The following GINS3 variants were observed in gnomAD, a reference collection of about 807,000 sequenced individuals.
GINS3 encodes the protein GINS complex subunit 3.
A neutral mutation model predicts 20.0 loss-of-function variants in GINS3; 18 were observed. The observed-to-expected ratio is 0.90, with a 90% CI of 0.62 to 1.33. The LOEUF is 1.33. GINS3 is among the 40% of genes most tolerant of loss of function. The probability of loss-of-function intolerance (pLI) is 0.00; values close to 1 mark genes in which losing one functional copy is unlikely to be tolerated. For synonymous variants in GINS3, 109 were observed against 107.0 expected (o/e 1.02, Z -0.12); for missense variants, 254 against 273.6 (o/e 0.93, Z 0.51).
At chr16:58,393,952 G>A (rs1402702285) in intron 1 of GINS3, among the ~76,000 whole-genome samples, 1 of 151,686 alleles carries the variant, frequency 6.6e-6, no homozygotes, top group Non-Finnish European at 1.5e-5. Flanking sequence ...TTTTTTAGTG[G>A]TGTCTTCAAG....
chr16:58,397,093 G>A (rs1285596934), intron 1 of GINS3, among the ~76,000 whole-genome samples: 1 of 151,962 alleles, frequency 6.6e-6, no homozygotes, highest in Non-Finnish European at 1.5e-5. Flanking sequence ...CCTGGATGGG[G>A]TGGCTGCCGG....
chr16:58,397,061 G>T (rs984115959), intron 1 of GINS3, among the ~76,000 whole-genome samples: 2 of 149,570 alleles, frequency 1.3e-5, no homozygotes, highest in South Asian at 2.1e-4. Context: ...TGGCCGGGCG[G>T]GGGGCTGACC....
At chr16:58,398,861 A>G (rs1965916935) in intron 1 of GINS3, among the ~76,000 whole-genome samples, 2 of 152,232 alleles carry the variant, frequency 1.3e-5, no homozygotes, top group Non-Finnish European at 2.9e-5. Flanking sequence ...GCAAAGCATA[A>G]GACCAATTTA....
At chr16:58,397,221 G>A (rs1220841556) in intron 1 of GINS3, among the ~76,000 whole-genome samples, 1 of 151,518 alleles carries the variant, frequency 6.6e-6, no homozygotes, top group Non-Finnish European at 1.5e-5. Context: ...GGGCGGCCGG[G>A]CAGAGATGCT....
rs201920793 is a variant in GINS3, at chr16:58,404,752, C to T, written c.*23C>T. 1 of 1,547,526 alleles carries T rather than the reference C, an allele frequency of 6.5e-7. No individual in the cohort carries two copies. The highest frequency in any genetic ancestry group is 8.9e-7 in the Non-Finnish European group (1 of 1,122,870). Reference sequence around the variant, plus strand: ...TGAAAGCCGGAAGAACACAGAATGGCTCCTCACAGACGTATCCCTCCGTGT... The same window carrying T: ...TGAAAGCCGGAAGAACACAGAATGGTTCCTCACAGACGTATCCCTCCGTGT... On this transcript the variant is annotated 3_prime_UTR_variant, in exon 3 of 3. Transcript: ENST00000318129.
chr16:58,404,447 CTT>C, intron 2 of GINS3, 50 bp from the exon 3 acceptor site: 2 of 1,161,682 alleles, frequency 1.7e-6, no homozygotes, highest in East Asian at 2.3e-5. Context: ...ATGGATATGA[CTT>C]TGTGGGGTGT....
At chr16:58,403,835 A>C (rs563526382) in intron 2 of GINS3, 3 of 161,612 alleles carry the variant, frequency 1.9e-5, no homozygotes, top group African/African-American at 7.2e-5. Flanking sequence ...TGGAAATACA[A>C]GAGTTATTGG....
At chr16:58,399,696 C>G (rs2151493945) in intron 1 of GINS3, among the ~76,000 whole-genome samples, 1 of 152,090 alleles carries the variant, frequency 6.6e-6, no homozygotes, top group East Asian at 1.9e-4. Flanking sequence ...TCTATCCTTT[C>G]TTGACTTCCT....
intron 1 of GINS3, among the ~76,000 whole-genome samples, chr16:58,396,207 G>T (rs1965854504): frequency 7.7e-6 from 1 of 129,612 alleles, no homozygotes; most frequent in South Asian, 2.6e-4. Flanking sequence ...ACCAGTAGGG[G>T]CGGCCGGGCA....
Position 58,404,735 on chromosome 16 carries a change from GGAA to G in GINS3, c.*10_*12del. 6.2e-7 allele frequency: 1 copy of G among 1,603,340 alleles called. No individual in the cohort carries two copies. The highest frequency in any genetic ancestry group is 8.5e-7 in the Non-Finnish European group (1 of 1,171,298). On this transcript the variant is annotated 3_prime_UTR_variant, in exon 3 of 3. Transcript: ENST00000318129. The stretch of plus-strand genomic sequence containing the variant: ...TCACTGATATGGAAGACTGAAAGCC[GGAA>G]GAACACAGAATGGCTCCTCACAGAC...
intron 1 of GINS3, among the ~76,000 whole-genome samples, chr16:58,395,914 A>G (rs1032150608): frequency 1.3e-5 from 2 of 150,934 alleles, no homozygotes; most frequent in African/African-American, 4.9e-5. Context: ...GCGGCCGGGC[A>G]GAGGTGCCCC....
Position 58,404,637 on chromosome 16 carries a change from C to G in GINS3, c.559C>G (p.Gln187Glu), listed in dbSNP as rs752830456. ...AGGGCAGAAAGGACTGAATGACTTTCAGTGTTGGGAGAAGGGGCAGGCTTC... is the reference window on the plus strand; with the variant it reads ...AGGGCAGAAAGGACTGAATGACTTTGAGTGTTGGGAGAAGGGGCAGGCTTC... ...QTGQKGLNDF[Q>E]CWEKGQASQI... Residue 187 changes from glutamine to glutamate, a missense_variant, in exon 3 of 3, where the codon CAG becomes GAG. Transcript: ENST00000318129. 1 of 1,614,118 alleles carries G rather than the reference C, an allele frequency of 6.2e-7. No individual in the cohort carries two copies. The highest frequency in any genetic ancestry group is 2.2e-5 in the East Asian group (1 of 44,882).
intron 1 of GINS3, among the ~76,000 whole-genome samples, chr16:58,401,035 G>A (rs1047652315): frequency 2.0e-5 from 3 of 151,830 alleles, no homozygotes; most frequent in South Asian, 2.1e-4. Flanking sequence ...GGCCCGTCTC[G>A]AACCCCTGAG....
chr16:58,404,422 T>C (rs1025400817), intron 2 of GINS3, 77 bp from the exon 3 acceptor site: 11 of 920,584 alleles, frequency 1.2e-5, no homozygotes, highest in Middle Eastern at 2.2e-4. Flanking sequence ...GCCATTTAAA[T>C]GTTCTGAGAT....
intron 1 of GINS3, among the ~76,000 whole-genome samples, chr16:58,396,466 C>T (rs1395238990): frequency 2.4e-5 from 2 of 82,640 alleles, no homozygotes; most frequent in African/African-American, 5.5e-5. Context: ...TAGGGGCGGC[C>T]GGGCAGAGGC....
At chr16:58,397,294 C>T (rs534777858) in intron 1 of GINS3, among the ~76,000 whole-genome samples, 141 of 150,536 alleles carry the variant, frequency 9.4e-4, no homozygotes, top group Admixed American at 2.0e-3. Context: ...GATGGGCGGC[C>T]GGGCAGAGAC....
chr16:58,405,833 T>G lies in GINS3; in HGVS notation c.*1104T>G, dbSNP rs1370824186. 1 of 152,202 alleles carries G rather than the reference T, an allele frequency of 6.6e-6. No individual in the cohort carries two copies. The allele number at this position is 152,202 out of a possible 1,614,324, so 9.4% of individuals were successfully genotyped here. A position where few individuals can be genotyped will look rare whatever the true frequency, so the allele number is the denominator to read the frequency against. On this transcript the variant is annotated 3_prime_UTR_variant, in exon 3 of 3. Transcript: ENST00000318129. ...TTTGCAGGGCATCACTGCTTCCCCC[T>G]GACACCTCACAACTAGCAAAAATTG...
rs1567533994 is a variant in GINS3 at position 58,392,650 on chromosome 16, G to A, written c.49G>A (p.Glu17Lys). Residue 17 changes from glutamate (E) to lysine (K), a missense_variant, in exon 1 of 3, where the codon GAG becomes AAG. By Grantham distance (56) the Glu-to-Lys change is moderately conservative. Coordinates refer to ENST00000318129, the MANE Select transcript of GINS3 (RefSeq NM_022770.4). ...GGAGTCGGGTGCGCTGGGGCCTGAGGAGAACTTTCTTTCTTTGGACGACAT... is the reference window on the plus strand; with the variant it reads ...GGAGTCGGGTGCGCTGGGGCCTGAGAAGAACTTTCTTTCTTTGGACGACAT... ...RVESGALGPEENFLSLDDILM... is the reference protein window; with the variant it reads ...RVESGALGPEKNFLSLDDILM... 7 of 1,614,122 alleles carry A rather than the reference G, an allele frequency of 4.3e-6. No homozygotes were observed. The highest frequency in any genetic ancestry group is 2.7e-5 in the African/African-American group (2 of 74,956).
intron 1 of GINS3, among the ~76,000 whole-genome samples, chr16:58,398,432 T>A (rs997302856): frequency 6.6e-6 from 1 of 151,544 alleles, no homozygotes; most frequent in South Asian, 2.1e-4. Context: ...ACATAGTGAG[T>A]CCCCATCTCT....
Sources: allele counts gnomAD v4.1 joint callset (sites outside exome capture counted in the v4.1 genomes callset), GRCh38; gene constraint gnomAD v4.1.1; transcripts MANE v1.5; gene names NCBI Gene and HGNC (gene_info 2026-07-23, HGNC 2026-07-21).